NRG3: variants seen among roughly 807,000 people sequenced by gnomAD.
The protein encoded by NRG3 is pro-neuregulin-3, membrane-bound isoform.
A neutral mutation model predicts 66.9 loss-of-function variants in NRG3; 31 were observed. The ratio of observed to expected loss-of-function variants is 0.46; its 90% CI spans 0.35 to 0.63. NRG3 has a LOEUF of 0.63. Ranked by LOEUF, NRG3 falls within the 20% of genes least tolerant of loss-of-function variation. NRG3 has a pLI of 0.00. For missense variants in NRG3, 910 were observed against 878.9 expected (o/e 1.04, Z -0.45); for synonymous variants, 393 against 359.4 (o/e 1.09, Z -1.06).
At chr10:82,790,708 A>G (rs1483688640) in intron 3 of NRG3, among the ~76,000 whole-genome samples, 2 of 151,882 alleles carry the variant, frequency 1.3e-5, no homozygotes, top group Non-Finnish European at 2.9e-5. Flanking sequence ...CATTATGCAT[A>G]TGTCAGTGTG....
intron 1 of NRG3, among the ~76,000 whole-genome samples, chr10:81,897,651 A>G (rs936176594): frequency 6.6e-6 from 1 of 152,174 alleles, no homozygotes; most frequent in African/African-American, 2.4e-5. Context: ...AGCATCTGGC[A>G]TTCTCCATGC....
chr10:82,049,120 C>T (rs1013561768), intron 1 of NRG3, among the ~76,000 whole-genome samples: 5 of 152,102 alleles, frequency 3.3e-5, no homozygotes, highest in Non-Finnish European at 5.9e-5. Context: ...CATGCTTTTT[C>T]ATTTATTCTT....
intron 1 of NRG3, among the ~76,000 whole-genome samples, chr10:81,881,197 T>G (rs1045763921): frequency 5.9e-5 from 9 of 151,742 alleles, no homozygotes; most frequent in Non-Finnish European, 1.2e-4. Flanking sequence ...TTTTTTTTTT[T>G]TGTTTTTTTG....
intron 1 of NRG3, among the ~76,000 whole-genome samples, chr10:82,207,751 T>C (rs1007495380): frequency 6.6e-6 from 1 of 151,448 alleles, no homozygotes; most frequent in Non-Finnish European, 1.5e-5. Flanking sequence ...AAGAGAAGAG[T>C]GAATGAGTGA....
chr10:82,567,730 T>C (rs1488551077), intron 2 of NRG3, among the ~76,000 whole-genome samples: 2 of 151,984 alleles, frequency 1.3e-5, no homozygotes, highest in Non-Finnish European at 2.9e-5. Context: ...CTTCATTGAA[T>C]TGTCCTAAAT....
chr10:82,219,719 A>G (rs1276615707), intron 1 of NRG3, among the ~76,000 whole-genome samples: 2 of 152,096 alleles, frequency 1.3e-5, no homozygotes, highest in African/African-American at 4.8e-5. Flanking sequence ...CAAATAGTGT[A>G]TCCTGGCAAA....
intron 6 of NRG3, among the ~76,000 whole-genome samples, chr10:82,966,988 T>C (rs1031995823): frequency 1.1e-4 from 16 of 151,564 alleles, no homozygotes; most frequent in African/African-American, 3.9e-4. Context: ...TCTGCCTTGG[T>C]TCTAGAATCA....
At chr10:82,437,960 C>T (rs181081121) in intron 2 of NRG3, among the ~76,000 whole-genome samples, 148 of 152,292 alleles carry the variant, frequency 9.7e-4, no homozygotes, top group African/African-American at 3.2e-3. Context: ...GGGGCACCAA[C>T]CTGATGCCAG....
At chr10:82,270,829 C>G (rs896835574) in intron 1 of NRG3, among the ~76,000 whole-genome samples, 17 of 152,106 alleles carry the variant, frequency 1.1e-4, no homozygotes, top group African/African-American at 4.1e-4. Flanking sequence ...CAAGTATTGT[C>G]TCTTACGCCA....
chr10:81,954,695 G>A (rs1304420652), intron 1 of NRG3, among the ~76,000 whole-genome samples: 1 of 152,144 alleles, frequency 6.6e-6, no homozygotes, highest in Non-Finnish European at 1.5e-5. Flanking sequence ...GGGTGTGAAT[G>A]AGGGCATTCT....
At chr10:82,957,893 C>CGTGTGTGTGTGTGT (rs10547101) in intron 5 of NRG3, among the ~76,000 whole-genome samples, 120 of 149,566 alleles carry the variant, frequency 8.0e-4, no homozygotes, top group South Asian at 1.5e-3. Flanking sequence ...AAGAGGTGTG[C>CGTGTGTGTGTGTGT]GTGTGTGTGT....
intron 2 of NRG3, among the ~76,000 whole-genome samples, chr10:82,706,329 C>A (rs2056284689): frequency 6.6e-6 from 1 of 152,104 alleles, no homozygotes; most frequent in African/African-American, 2.4e-5. Flanking sequence ...GCCTAGTTAC[C>A]ATTTTGGGAT....
At chr10:82,591,898 G>A (rs2047005575) in intron 2 of NRG3, among the ~76,000 whole-genome samples, 1 of 152,092 alleles carries the variant, frequency 6.6e-6, no homozygotes, top group Non-Finnish European at 1.5e-5. Context: ...GTAAAAAATT[G>A]TCACAAAACA....
At chr10:82,433,391 A>C (rs1200413835) in intron 2 of NRG3, among the ~76,000 whole-genome samples, 2 of 152,132 alleles carry the variant, frequency 1.3e-5, no homozygotes, top group East Asian at 3.9e-4. Flanking sequence ...GTAGATTGCA[A>C]AAGTGTTCTC....
intron 1 of NRG3, among the ~76,000 whole-genome samples, chr10:82,004,795 A>AC (rs2061321090): frequency 6.6e-6 from 1 of 152,170 alleles, no homozygotes; most frequent in South Asian, 2.1e-4. Context: ...CAGAAGAAAG[A>AC]CCATGGGAAG....
chr10:81,997,611 G>T (rs1179517850), intron 1 of NRG3, among the ~76,000 whole-genome samples: 1 of 152,100 alleles, frequency 6.6e-6, no homozygotes, highest in East Asian at 1.9e-4. Context: ...CGGAGGCTCC[G>T]TTTCTTCATC....
At chr10:82,625,783 G>T (rs1456609273) in intron 2 of NRG3, among the ~76,000 whole-genome samples, 1 of 152,176 alleles carries the variant, frequency 6.6e-6, no homozygotes. Flanking sequence ...TATGTTGGTT[G>T]ATATGGTCAC....
At chr10:82,050,709 C>T (rs2063550556) in intron 1 of NRG3, among the ~76,000 whole-genome samples, 1 of 150,160 alleles carries the variant, frequency 6.7e-6, no homozygotes, top group East Asian at 2.0e-4. Context: ...CACAGGCTGC[C>T]AACCAGGTAC....
At chr10:82,545,473 G>A (rs1275114496) in intron 2 of NRG3, among the ~76,000 whole-genome samples, 1 of 150,682 alleles carries the variant, frequency 6.6e-6, no homozygotes, top group Non-Finnish European at 1.5e-5. Context: ...CAGCCTCCCG[G>A]GTTCACGCCA....
Sources: allele counts gnomAD v4.1 joint callset (sites outside exome capture counted in the v4.1 genomes callset), GRCh38; gene constraint gnomAD v4.1.1; transcripts MANE v1.5; gene names NCBI Gene and HGNC (gene_info 2026-07-23, HGNC 2026-07-21).